LRRK2: variants seen among roughly 807,000 people sequenced by gnomAD.
The protein encoded by LRRK2 is leucine-rich repeat serine/threonine-protein kinase 2.
A neutral mutation model predicts 302.6 loss-of-function variants in LRRK2; 203 were observed. The ratio of observed to expected loss-of-function variants is 0.67; its 90% CI spans 0.60 to 0.75. LRRK2 has a LOEUF of 0.75. Among genes scored for constraint, LRRK2 ranks in the 30% least tolerant of loss-of-function variants. LRRK2 has a pLI of 0.00. For missense variants in LRRK2, 2,830 were observed against 2,951.0 expected (o/e 0.96, Z 0.95); for synonymous variants, 1,066 against 1,031.9 (o/e 1.03, Z -0.63).
At chr12:40,352,051 A>C (rs907681894) in intron 44 of LRRK2, among the ~76,000 whole-genome samples, 11 of 152,262 alleles carry the variant, frequency 7.2e-5, no homozygotes, top group African/African-American at 2.7e-4. Context: ...GAAGAGGTCC[A>C]GCCTCAGTCT....
chr12:40,315,307 G>C lies in LRRK2; in HGVS notation c.4827+7G>C, dbSNP rs200139214. The C allele has an allele frequency of 7.5e-6, 12 of 1,609,508 alleles. No homozygotes were observed. In the East Asian group the frequency reaches 2.5e-4, roughly 33 times the overall value. On this transcript the variant is annotated splice_region_variant and intron_variant, in intron 33 of 50. Coordinates refer to ENST00000298910, the MANE Select transcript of LRRK2 (RefSeq NM_198578.4). ...TTGTAAAATCATGGCACAGGTTGGT[G>C]TCTTTTATTTTTGTGGCACGGGGGT...
At chr12:40,239,495 T>A (rs1399370047) in intron 5 of LRRK2, among the ~76,000 whole-genome samples, 1 of 152,170 alleles carries the variant, frequency 6.6e-6, no homozygotes, top group Non-Finnish European at 1.5e-5. Flanking sequence ...CATCGTTGTT[T>A]AGTCCATCTA....
At chr12:40,330,270 G>C (rs1168061115) in intron 39 of LRRK2, among the ~76,000 whole-genome samples, 2 of 152,122 alleles carry the variant, frequency 1.3e-5, no homozygotes, top group African/African-American at 4.8e-5. Context: ...GCCCTCCCAT[G>C]TGGTGGATAT....
chr12:40,326,402 C>T (rs951004768), intron 38 of LRRK2, among the ~76,000 whole-genome samples: 1 of 149,102 alleles, frequency 6.7e-6, no homozygotes, highest in Non-Finnish European at 1.5e-5. Context: ...GGAGGCGGAG[C>T]TTGCAGTGAG....
chr12:40,246,408 A>C (rs887127881), intron 7 of LRRK2, among the ~76,000 whole-genome samples: 1 of 152,048 alleles, frequency 6.6e-6, no homozygotes, highest in South Asian at 2.1e-4. Flanking sequence ...ATTTTCACAT[A>C]TACCAGGTGA....
At chr12:40,262,447 C>T (rs956247597) in intron 13 of LRRK2, among the ~76,000 whole-genome samples, 1 of 151,976 alleles carries the variant, frequency 6.6e-6, no homozygotes, top group African/African-American at 2.4e-5. Flanking sequence ...CAGGCTGACT[C>T]CAGAGTAGGC....
At chr12:40,251,631 G>T in intron 10 of LRRK2, 87 bp downstream of exon 10, 1 of 1,184,840 alleles carries the variant, frequency 8.4e-7, no homozygotes, top group South Asian at 1.4e-5. Context: ...AACTTTTATT[G>T]TTAGAAATAT....
At chr12:40,326,478 A>G (rs17466479) in intron 38 of LRRK2, among the ~76,000 whole-genome samples, 9 of 106,872 alleles carry the variant, frequency 8.4e-5, no homozygotes, top group African/African-American at 2.7e-4. Flanking sequence ...AAAAAAAAAG[A>G]AAAAAAAAAA....
rs1202489772 is a variant in LRRK2 at position 40,314,007 on chromosome 12, A to G, written c.4572A>G (p.Pro1524=). The G allele has an allele frequency of 1.2e-6, 2 of 1,612,146 alleles. No homozygotes were observed. The highest frequency in any genetic ancestry group is 2.2e-5 in the East Asian group (1 of 44,808). ...RDQLVVGQLI[P]DCYVELEKII... ...AGCTTGTTGTTGGACAGCTGATTCC[A>G]GACTGCTATGTAGAACTTGAAAAAA... The change falls in exon 32 of 51, where the codon CCA becomes CCG. Residue 1524 remains proline, a synonymous_variant. Transcript: ENST00000298910.
At chr12:40,322,558 C>T (rs769363465) in intron 37 of LRRK2, 48 bp downstream of exon 37, 1 of 1,491,236 alleles carries the variant, frequency 6.7e-7, no homozygotes, top group Non-Finnish European at 9.3e-7. Context: ...TCCTTCAATA[C>T]TTATGAAGTG....
chr12:40,321,881 A>C (rs1415441124), intron 35 of LRRK2, among the ~76,000 whole-genome samples, 154 bp from the exon 36 acceptor site: 1 of 152,062 alleles, frequency 6.6e-6, no homozygotes, highest in Non-Finnish European at 1.5e-5. Flanking sequence ...TGGATAAAAT[A>C]TTTAATAGAT....
At chr12:40,262,973 C>A (rs1169115436) in intron 13 of LRRK2, among the ~76,000 whole-genome samples, 2 of 152,102 alleles carry the variant, frequency 1.3e-5, no homozygotes, top group African/African-American at 4.8e-5. Context: ...CCTTCCTTAC[C>A]ATAGTATTCC....
rs568593066 is a variant in LRRK2, at chr12:40,257,283, C to T, written c.1324C>T (p.His442Tyr). 57 of 1,590,732 alleles carry T rather than the reference C, an allele frequency of 3.6e-5. No individual in the cohort carries two copies. The African/African-American group carries it at 6.8e-4, about 19-fold the overall frequency. ...FRKILLSKGI[H>Y]LNVLELMQKH... is the part of the protein sequence containing the mutation. ...AAAAATACTGTTATCAAAAGGAATACACCTGAATGTTTTGGAGTTAATGCA... is the reference window on the plus strand; with the variant it reads ...AAAAATACTGTTATCAAAAGGAATATACCTGAATGTTTTGGAGTTAATGCA... The change falls in exon 12 of 51, where the codon CAC becomes TAC. Residue 442 changes from histidine (H) to tyrosine (Y), a missense_variant. Transcript: ENST00000298910.
At chr12:40,273,282 A>C (rs921205020) in intron 14 of LRRK2, among the ~76,000 whole-genome samples, 1 of 152,164 alleles carries the variant, frequency 6.6e-6, no homozygotes, top group African/African-American at 2.4e-5. Context: ...ATTTGAACCT[A>C]AATTTAATTG....
Position 40,225,694 on chromosome 12 carries a change from G to A in LRRK2, c.237+54G>A, listed in dbSNP as rs367949688. On this transcript the variant is annotated intron_variant, in intron 2 of 50. Coordinates refer to ENST00000298910, the MANE Select transcript of LRRK2 (RefSeq NM_198578.4). ...TTCTCCCTTCTGTTTGGAAGGAGAC[G>A]TTTTACTGGCAATGTTAATATAGCC... is the stretch of plus-strand genomic sequence containing the variant. 2,146 of 1,463,794 alleles carry A rather than the reference G, an allele frequency of 1.5e-3. 2 individuals carry two copies. The highest frequency in any genetic ancestry group is 1.8e-3 in the Non-Finnish European group (1,891 of 1,050,348). 90.7% of individuals were successfully genotyped at this position (1,463,794 alleles called of 1,614,324 possible).
chr12:40,349,863 T>C (rs571369701), intron 43 of LRRK2, among the ~76,000 whole-genome samples: 34 of 152,344 alleles, frequency 2.2e-4, no homozygotes, highest in Non-Finnish European at 4.0e-4. Context: ...TTCTCAAGCG[T>C]CTTTCAATAA....
chr12:40,354,984 G>T (rs1946481753), intron 45 of LRRK2, among the ~76,000 whole-genome samples: 1 of 152,122 alleles, frequency 6.6e-6, no homozygotes, highest in African/African-American at 2.4e-5. Flanking sequence ...CTTATCAATT[G>T]CAGGGTTCTT....
rs529898481 is a variant in LRRK2 at position 40,294,153 on chromosome 12, A to G, written c.2808+490A>G. ...CTATCATCTATCTATCTATCTATCT[A>G]TCTATCTATCTATCTATCTATCTAT... On this transcript the variant is annotated intron_variant, in intron 21 of 50. Coordinates refer to ENST00000298910, the MANE Select transcript of LRRK2 (RefSeq NM_198578.4). Among the ~76,000 whole-genome samples the G allele has an allele frequency of 3.2e-3, 486 of 151,406 alleles. 1 individual carries two copies. The highest frequency in any genetic ancestry group is 5.4e-3 in the Non-Finnish European group (363 of 67,768).
chr12:40,273,516 T>C (rs892133945), intron 14 of LRRK2, among the ~76,000 whole-genome samples: 1 of 152,140 alleles, frequency 6.6e-6, no homozygotes, highest in Non-Finnish European at 1.5e-5. Flanking sequence ...GAGAAAGGAT[T>C]GGAAATCTGT....
Sources: allele counts gnomAD v4.1 joint callset (sites outside exome capture counted in the v4.1 genomes callset), GRCh38; gene constraint gnomAD v4.1.1; transcripts MANE v1.5; gene names NCBI Gene and HGNC (gene_info 2026-07-23, HGNC 2026-07-21).